Variants in STPG4 observed in about 807,000 individuals in gnomAD.
STPG4 encodes the protein sperm-tail PG-rich repeat containing 4, also known as protein STPG4.
STPG4 carries 41 observed loss-of-function variants against 31.5 expected under a neutral mutation model. The ratio of observed to expected loss-of-function variants is 1.30; its 90% confidence interval spans 1.01 to 1.69. The LOEUF (loss-of-function observed/expected upper bound fraction) is 1.69, where lower values mean the gene tolerates loss of function less well. STPG4 is among the 40% of genes most tolerant of loss of function. STPG4 has a pLI of 0.00. For synonymous variants in STPG4, 141 were observed against 103.0 expected, an observed-to-expected ratio of 1.37 and a Z score of -2.24; for missense variants, 375 against 293.4, an observed-to-expected ratio of 1.28 and a Z score of -2.03.
In STPG4 at chr2:47,124,961, T is replaced by C. The variant is rs139162580; in HGVS notation, c.519+4980A>G. Among the ~76,000 whole-genome samples, 6 of 152,340 alleles carry C rather than the reference T, an allele frequency of 3.9e-5. No homozygotes were observed. In the East Asian group the frequency reaches 1.2e-3, roughly 29 times the overall value. On this transcript the variant is annotated intron_variant, in intron 5 of 6. Transcript: ENST00000445927. ...TTGCCTGTATTTTGGATATAAGTCA[T>C]TTAAACTGGGATGCAATGATATCTC...
intron 3 of STPG4, among the ~76,000 whole-genome samples, chr2:47,138,556 T>C (rs1301744395): frequency 6.6e-6 from 1 of 151,930 alleles, no homozygotes; most frequent in African/African-American, 2.4e-5. Context: ...CATGCCTGGT[T>C]AATTTGTTTT....
chr2:47,092,972 T>C (rs932277673), intron 5 of STPG4, among the ~76,000 whole-genome samples: 26 of 152,196 alleles, frequency 1.7e-4, no homozygotes, highest in African/African-American at 4.6e-4. Flanking sequence ...TTTGTATTTT[T>C]AGTAGAGATG....
intron 2 of STPG4, among the ~76,000 whole-genome samples, chr2:47,152,160 C>G (rs1686951661): frequency 6.6e-6 from 1 of 151,832 alleles, no homozygotes; most frequent in Admixed American, 6.6e-5. Context: ...TCAGGATAGT[C>G]TCTTGGCTAA....
chr2:47,106,868 T>G (rs1230353228), intron 5 of STPG4, among the ~76,000 whole-genome samples: 1 of 151,908 alleles, frequency 6.6e-6, no homozygotes, highest in Non-Finnish European at 1.5e-5. Context: ...ATCGAGGCCA[T>G]CAAGCTACAG....
chr2:47,098,095 G>A (rs1455259634), intron 5 of STPG4, among the ~76,000 whole-genome samples: 1 of 152,152 alleles, frequency 6.6e-6, no homozygotes, highest in Admixed American at 6.5e-5. Context: ...ATGTCACCAT[G>A]TATTTCCAGT....
intron 3 of STPG4, among the ~76,000 whole-genome samples, chr2:47,146,528 C>A (rs1657780934): frequency 6.7e-6 from 1 of 148,380 alleles, no homozygotes. Flanking sequence ...GAGTTTGAGA[C>A]CAGCCTGGGC....
At chr2:47,143,170 G>A (rs921209300) in intron 3 of STPG4, among the ~76,000 whole-genome samples, 16 of 152,086 alleles carry the variant, frequency 1.1e-4, no homozygotes, top group African/African-American at 3.1e-4. Context: ...ATTTGTATGG[G>A]TGTATCATTT....
intron 5 of STPG4, among the ~76,000 whole-genome samples, chr2:47,114,831 G>C (rs1055516970): frequency 1.3e-5 from 2 of 151,922 alleles, no homozygotes; most frequent in Admixed American, 6.6e-5. Flanking sequence ...GCAGTGGTAC[G>C]ATCTTGGCTC....
chr2:47,116,984 A>C (rs1686165970), intron 5 of STPG4, among the ~76,000 whole-genome samples: 1 of 152,170 alleles, frequency 6.6e-6, no homozygotes, highest in South Asian at 2.1e-4. Flanking sequence ...TCTTGGACCC[A>C]AAAGCTGAGA....
rs376676325 is a variant in STPG4, at chr2:47,138,974, C to T, written c.400-8714G>A. 9.2e-5 allele frequency among the ~76,000 whole-genome samples: 14 copies of T among 152,184 alleles called. No homozygotes were observed. In the South Asian group the frequency reaches 1.2e-3, roughly 13 times the overall value. On this transcript the variant is annotated intron_variant, in intron 3 of 6. Transcript: ENST00000445927. ...TGCTGGGATTACAGGTGTGAGCCAC[C>T]GCTGCCAGCCCTGTTAAGGTATGTT...
chr2:47,118,117 G>T (rs1003098157), intron 5 of STPG4, among the ~76,000 whole-genome samples: 5 of 152,008 alleles, frequency 3.3e-5, no homozygotes, highest in African/African-American at 1.2e-4. Flanking sequence ...CTTACGTCAG[G>T]GTCCCCAACC....
intron 3 of STPG4, among the ~76,000 whole-genome samples, chr2:47,146,725 G>C (rs1335357420): frequency 6.6e-6 from 1 of 152,160 alleles, no homozygotes; most frequent in Non-Finnish European, 1.5e-5. Context: ...AGATGGAGCA[G>C]AGGTCTGAGT....
chr2:47,139,967 G>T (rs568626244), intron 3 of STPG4, among the ~76,000 whole-genome samples: 1 of 152,106 alleles, frequency 6.6e-6, no homozygotes, highest in African/African-American at 2.4e-5. Context: ...GTAGAGATGG[G>T]GTTTCATTCT....
In STPG4 at chr2:47,100,847, CTCCGAACACA is replaced by C. The variant is rs1307822486; in HGVS notation, c.520-10483_520-10474del. On this transcript the variant is annotated intron_variant, in intron 5 of 6. Transcript: ENST00000445927. ...CCACGAACCCACAAGAAGGAAGAAACTCCGAACACATCCGAACATCAGAAGGAACAAACTC... is the reference window on the plus strand; with the variant it reads ...CCACGAACCCACAAGAAGGAAGAAACTCCGAACATCAGAAGGAACAAACTC... Among the ~76,000 whole-genome samples the C allele has an allele frequency of 2.6e-5, 4 of 151,874 alleles. No individual in the cohort carries two copies. The East Asian group carries it at 7.7e-4, about 29-fold the overall frequency.
chr2:47,103,752 G>C lies in STPG4; in HGVS notation c.520-13378C>G, dbSNP rs187329550. On this transcript the variant is annotated intron_variant, in intron 5 of 6. Coordinates refer to ENST00000445927, the MANE Select transcript of STPG4 (RefSeq NM_001163561.2). ...TCCCTGGGTCAGAAGCCCCTAACCA[G>C]ATGATCCAACAACAGGACTGAGGGT... Among the ~76,000 whole-genome samples, 24 of 152,102 alleles carry C rather than the reference G, an allele frequency of 1.6e-4. 1 individual carries two copies. Among genetic ancestry groups the C allele is most frequent in the Admixed American group, 1.1e-3 (17 of 15,296 alleles).
chr2:47,140,049 C>T (rs1271556893), intron 3 of STPG4, among the ~76,000 whole-genome samples: 2 of 152,160 alleles, frequency 1.3e-5, no homozygotes, highest in African/African-American at 4.8e-5. Flanking sequence ...GCTGGGATTA[C>T]AAGCGTGAGC....
intron 6 of STPG4, among the ~76,000 whole-genome samples, chr2:47,089,876 A>T (rs1423484446): frequency 6.6e-6 from 1 of 152,158 alleles, no homozygotes; most frequent in East Asian, 1.9e-4. Flanking sequence ...TTTCTGCTTC[A>T]AATTTTGCTT....
chr2:47,139,088 A>C (rs566261216), intron 3 of STPG4, among the ~76,000 whole-genome samples: 93 of 152,346 alleles, frequency 6.1e-4, no homozygotes, highest in Non-Finnish European at 1.2e-3. Flanking sequence ...GAGGCAGTCT[A>C]TAGACATAAA....
At chr2:47,109,050 T>G (rs927482436) in intron 5 of STPG4, among the ~76,000 whole-genome samples, 1 of 152,246 alleles carries the variant, frequency 6.6e-6, no homozygotes, top group Non-Finnish European at 1.5e-5. Flanking sequence ...TAAGCTAATT[T>G]GGAAGGTTTC....
Sources: allele counts gnomAD v4.1 joint callset (sites outside exome capture counted in the v4.1 genomes callset), GRCh38; gene constraint gnomAD v4.1.1; transcripts MANE v1.5; gene names NCBI Gene and HGNC (gene_info 2026-07-23, HGNC 2026-07-21).